WIPF3: variants seen among roughly 807,000 people sequenced by gnomAD.
WIPF3 encodes the protein WAS/WASL interacting protein family member 3.
Under a neutral mutation model 38.9 loss-of-function variants are expected in WIPF3, and 33 were observed. The ratio of observed to expected loss-of-function variants is 0.85; its 90% CI spans 0.64 to 1.14. The LOEUF (loss-of-function observed/expected upper bound fraction) is 1.14, where lower values mean the gene tolerates loss of function less well. Among genes scored for constraint, WIPF3 ranks in the 50% most tolerant of loss-of-function variants. WIPF3 has a pLI of 0.00. For synonymous variants in WIPF3, 324 were observed against 269.3 expected, an observed-to-expected ratio of 1.20 and a Z score of -1.99; for missense variants, 711 against 652.5, an observed-to-expected ratio of 1.09 and a Z score of -0.98.
intron 8 of WIPF3, among the ~76,000 whole-genome samples, chr7:29,911,387 C>G (rs1054422806): frequency 2.0e-5 from 3 of 152,042 alleles, no homozygotes; most frequent in Non-Finnish European, 4.4e-5. Context: ...ATGACATTTT[C>G]TTCAGAAATA....
At chr7:29,885,959 G>A (rs1051313719) in intron 5 of WIPF3, among the ~76,000 whole-genome samples, 1 of 151,980 alleles carries the variant, frequency 6.6e-6, no homozygotes, top group Non-Finnish European at 1.5e-5. Flanking sequence ...ATACAGTTTT[G>A]TGTTCTGTGT....
chr7:29,824,407 G>C (rs925914371), intron 1 of WIPF3, among the ~76,000 whole-genome samples: 1 of 152,354 alleles, frequency 6.6e-6, no homozygotes, highest in African/African-American at 2.4e-5. Context: ...TATAGGGGCA[G>C]TTAGCCCTCC....
In WIPF3 at chr7:29,884,160, G is replaced by A; in HGVS notation, c.666G>A (p.Ala222=). 6.6e-7 allele frequency: 1 copy of A among 1,513,374 alleles called. No individual in the cohort carries two copies. 93.7% of individuals were successfully genotyped at this position (1,513,374 alleles called of 1,614,324 possible). The change falls in exon 5 of 9, where the codon GCG becomes GCA. Residue 222 remains alanine (A), a synonymous_variant. Coordinates refer to ENST00000242140, the MANE Select transcript of WIPF3 (RefSeq NM_001080529.3). ...TGGTTGCACCCCCCGTCCCCTGTGCGCCACCACCTCCACCTCCGCCACCTC... is the reference window on the plus strand; with the variant it reads ...TGGTTGCACCCCCCGTCCCCTGTGCACCACCACCTCCACCTCCGCCACCTC... ...LPVVAPPVPC[A]PPPPPPPPPP...
intron 8 of WIPF3, among the ~76,000 whole-genome samples, chr7:29,908,908 C>CA (rs59015755): frequency 0.03 from 2,485 of 82,512 alleles, 42 homozygotes; most frequent in Non-Finnish European, 0.044. Flanking sequence ...AACTCCATCT[C>CA]AAAAAAAAAA....
intron 1 of WIPF3, among the ~76,000 whole-genome samples, chr7:29,830,959 C>CA (rs1282105924): frequency 6.6e-6 from 1 of 152,184 alleles, no homozygotes; most frequent in Non-Finnish European, 1.5e-5. Flanking sequence ...AATCAGTACT[C>CA]ACGGTGCTTT....
At chr7:29,900,689 A>G (rs1786257439) in intron 7 of WIPF3, among the ~76,000 whole-genome samples, 1 of 152,254 alleles carries the variant, frequency 6.6e-6, no homozygotes, top group Non-Finnish European at 1.5e-5. Flanking sequence ...CTCCAATGTA[A>G]GAACAAGAAA....
chr7:29,853,094 G>A (rs1394607033), intron 2 of WIPF3, among the ~76,000 whole-genome samples: 1 of 152,180 alleles, frequency 6.6e-6, no homozygotes, highest in Non-Finnish European at 1.5e-5. Context: ...ATAAGAGAGT[G>A]AGGAAGTGAA....
At chr7:29,827,499 G>A (rs113405939) in intron 1 of WIPF3, among the ~76,000 whole-genome samples, 2 of 152,044 alleles carry the variant, frequency 1.3e-5, no homozygotes, top group Non-Finnish European at 2.9e-5. Flanking sequence ...TTGTTTGCAC[G>A]TGGGCTTGTG....
intron 1 of WIPF3, among the ~76,000 whole-genome samples, chr7:29,810,751 A>G (rs1304811556): frequency 1.3e-5 from 2 of 152,224 alleles, no homozygotes; most frequent in Non-Finnish European, 2.9e-5. Context: ...ACTATTTTGC[A>G]TGAATCTTAC....
At position 29,878,338 on chromosome 7, in the gene WIPF3, TCTAAG is replaced by T. The variant is rs200951012; in HGVS notation, c.224-668_224-664del. On this transcript the variant is annotated intron_variant, in intron 3 of 8. Transcript: ENST00000242140. The surrounding 1 kb of genome is among the most constrained non-coding windows in gnomAD (Gnocchi z 4.0). ...AAATATTTTCTGCCAGGAATTCTTG[TCTAAG>T]CTGAGTATCTTCTCGTTTTCTGTAG... 9.2e-3 allele frequency among the ~76,000 whole-genome samples: 1,394 copies of T among 152,346 alleles called. 27 individuals carry two copies. Among genetic ancestry groups the T allele is most frequent in the African/African-American group, 0.032 (1,328 of 41,568 alleles).
At chr7:29,836,831 A>T (rs546070153) in intron 2 of WIPF3, among the ~76,000 whole-genome samples, 1 of 152,164 alleles carries the variant, frequency 6.6e-6, no homozygotes, top group Non-Finnish European at 1.5e-5. Flanking sequence ...TCTACTAAAA[A>T]ATACAAAAAT....
At chr7:29,846,569 C>T (rs910101333) in intron 2 of WIPF3, among the ~76,000 whole-genome samples, 4 of 152,298 alleles carry the variant, frequency 2.6e-5, no homozygotes, top group Middle Eastern at 3.4e-3. Context: ...GGCATGGTGG[C>T]GTGCGCCTGT....
chr7:29,826,755 T>C (rs1784621913), intron 1 of WIPF3, among the ~76,000 whole-genome samples: 1 of 152,198 alleles, frequency 6.6e-6, no homozygotes, highest in Non-Finnish European at 1.5e-5. Context: ...TGATTTATAG[T>C]AAATGTTAAA....
At chr7:29,828,619 G>A (rs933887951) in intron 1 of WIPF3, among the ~76,000 whole-genome samples, 18 of 152,202 alleles carry the variant, frequency 1.2e-4, no homozygotes, top group Admixed American at 4.6e-4. Context: ...CCAATACTGG[G>A]CTCGTATTCC....
Position 29,883,936 on chromosome 7 carries a change from G to C in WIPF3, c.442G>C (p.Ala148Pro). 6.3e-7 allele frequency: 1 copy of C among 1,580,654 alleles called. No individual in the cohort carries two copies. Among genetic ancestry groups the C allele is most frequent in the Non-Finnish European group, 8.6e-7 (1 of 1,163,402 alleles). The change falls in exon 5 of 9, where the codon GCC becomes CCC. Residue 148 changes from alanine to proline, a missense_variant. Physicochemically the swap from Ala to Pro is conservative, Grantham distance 27 (BLOSUM62 -1). Coordinates refer to ENST00000242140, the MANE Select transcript of WIPF3 (RefSeq NM_001080529.3). ...CATCAGCGGCCCGCTTATCCCGCCT[G>C]CCTCTCCCAGGCTAGGCAATACCTC... Reference protein sequence around the residue: ...KTISGPLIPPASPRLGNTSEA... With the variant: ...KTISGPLIPPPSPRLGNTSEA...
At chr7:29,830,129 A>G (rs946553634) in intron 1 of WIPF3, among the ~76,000 whole-genome samples, 1 of 151,932 alleles carries the variant, frequency 6.6e-6, no homozygotes, top group African/African-American at 2.4e-5. Flanking sequence ...ACAGCCATCA[A>G]ACACTACATA....
chr7:29,864,093 T>C (rs1021195625), intron 2 of WIPF3, among the ~76,000 whole-genome samples: 1 of 152,236 alleles, frequency 6.6e-6, no homozygotes, highest in Non-Finnish European at 1.5e-5. Context: ...TGAGAGTGAA[T>C]GTCCCTGCTT....
intron 1 of WIPF3, among the ~76,000 whole-genome samples, chr7:29,818,883 C>T (rs1583589687): frequency 6.6e-6 from 1 of 152,098 alleles, no homozygotes; most frequent in African/African-American, 2.4e-5. Context: ...GTATGATTTT[C>T]CTGTTTTATG....
At position 29,879,031 on chromosome 7, in the gene WIPF3, A is replaced by G. The variant is rs1455738165; in HGVS notation, c.246A>G (p.Glu82=). The change falls in exon 4 of 9, where the codon GAA becomes GAG. Residue 82 remains glutamate (E), a synonymous_variant. Transcript: ENST00000242140. Reference sequence around the variant, plus strand: ...AAGGTTCTAAAGGAACCAACAAAGAAGGAGGAGGTTCTGCAAACACACGAG... The same window carrying G: ...AAGGTTCTAAAGGAACCAACAAAGAGGGAGGAGGTTCTGCAAACACACGAG... ...QIESSKGTNK[E]GGGSANTRGA... is the part of the protein sequence containing the mutation. The G allele has an allele frequency of 6.2e-7, 1 of 1,601,800 alleles. No individual in the cohort carries two copies. Among genetic ancestry groups the G allele is most frequent in the Non-Finnish European group, 8.5e-7 (1 of 1,173,220 alleles).
Sources: allele counts gnomAD v4.1 joint callset (sites outside exome capture counted in the v4.1 genomes callset), GRCh38; gene constraint gnomAD v4.1.1; non-coding constraint Gnocchi (gnomAD v3.1); transcripts MANE v1.5; gene names NCBI Gene and HGNC (gene_info 2026-07-23, HGNC 2026-07-21).